FAT3: variants seen among roughly 807,000 people sequenced by gnomAD.
The protein encoded by FAT3 is protocadherin Fat 3.
Under a neutral mutation model 310.2 loss-of-function variants are expected in FAT3, and 95 were observed. That is an observed-to-expected ratio of 0.31 (90% confidence interval 0.26 to 0.36). The LOEUF (loss-of-function observed/expected upper bound fraction) is 0.36. Among genes scored for constraint, FAT3 ranks in the 10% least tolerant of loss-of-function variants. The pLI, the probability that FAT3 is intolerant of heterozygous loss-of-function variation, is 1.00. For missense variants in FAT3, 5,408 were observed against 5,715.6 expected (o/e 0.95, Z 1.74); for synonymous variants, 2,314 against 2,192.9 (o/e 1.06, Z -1.54).
chr11:92,529,679 A>AGGATTAGC (rs2135379348), intron 3 of FAT3, among the ~76,000 whole-genome samples: 1 of 152,338 alleles, frequency 6.6e-6, no homozygotes, highest in African/African-American at 2.4e-5. Context: ...ACATAGATCC[A>AGGATTAGC]GGATTAGCAT....
intron 2 of FAT3, among the ~76,000 whole-genome samples, chr11:92,421,288 T>C (rs1018621416): frequency 1.3e-5 from 2 of 152,220 alleles, no homozygotes; most frequent in Non-Finnish European, 2.9e-5. Flanking sequence ...TAAACATTAA[T>C]AGGTAATTTT....
chr11:92,400,151 CA>C (rs1352806467), intron 2 of FAT3: 3 of 152,072 alleles, frequency 2.0e-5, no homozygotes, highest in African/African-American at 7.2e-5. Flanking sequence ...TTTTATCTAG[CA>C]AAATGAGTTG....
chr11:92,424,302 T>C (rs899280841), intron 2 of FAT3, among the ~76,000 whole-genome samples: 1 of 152,160 alleles, frequency 6.6e-6, no homozygotes, highest in East Asian at 1.9e-4. Context: ...ATGTGAATTA[T>C]ACCTGCTTAT....
chr11:92,472,540 C>T (rs968614070), intron 2 of FAT3, among the ~76,000 whole-genome samples: 2 of 152,270 alleles, frequency 1.3e-5, no homozygotes, highest in Non-Finnish European at 2.9e-5. Context: ...ATAAAACTGC[C>T]TAGCTCTGTG....
At chr11:92,487,726 C>T (rs1211433291) in intron 2 of FAT3, among the ~76,000 whole-genome samples, 1 of 152,160 alleles carries the variant, frequency 6.6e-6, no homozygotes, top group East Asian at 1.9e-4. Context: ...TGCTCTTAAC[C>T]TCAATGTTAA....
chr11:92,476,945 T>C (rs940006118), intron 2 of FAT3, among the ~76,000 whole-genome samples: 1 of 152,218 alleles, frequency 6.6e-6, no homozygotes, highest in Non-Finnish European at 1.5e-5. Context: ...AAGCTTTGAT[T>C]TGTGTAGACA....
intron 9 of FAT3, among the ~76,000 whole-genome samples, chr11:92,795,135 T>C (rs1947135828): frequency 6.6e-6 from 1 of 152,286 alleles, no homozygotes; most frequent in South Asian, 2.1e-4. Context: ...TCAGGTCTTA[T>C]ATCTAGTTTG....
chr11:92,399,019 G>A (rs1280971561), intron 2 of FAT3, among the ~76,000 whole-genome samples: 2 of 152,190 alleles, frequency 1.3e-5, no homozygotes, highest in Non-Finnish European at 2.9e-5. Context: ...GAAATCAGGA[G>A]CATTAATCTG....
At chr11:92,393,839 T>C (rs1317968575) in intron 2 of FAT3, among the ~76,000 whole-genome samples, 1 of 152,204 alleles carries the variant, frequency 6.6e-6, no homozygotes, top group African/African-American at 2.4e-5. Context: ...CTTTAACTTC[T>C]GGTCAGGGAG....
intron 3 of FAT3, among the ~76,000 whole-genome samples, chr11:92,564,002 C>T (rs1442302245): frequency 2.0e-5 from 3 of 151,348 alleles, no homozygotes; most frequent in Non-Finnish European, 4.4e-5. Flanking sequence ...AACCAGCTAA[C>T]ATCATAATGA....
At chr11:92,293,064 GGAAGGAAGGAAGGAAA>G (rs1487166631) in intron 1 of FAT3, among the ~76,000 whole-genome samples, 111 of 120,458 alleles carry the variant, frequency 9.2e-4, no homozygotes, top group Middle Eastern at 4.3e-3. Flanking sequence ...AAGGAAGGAA[GGAAGGAAGGAAGGAAA>G]GAAGGAAGGA....
rs369353216 is a variant in FAT3, at chr11:92,774,135, T to C, written c.4290T>C (p.Asn1430=). ...PLDAEQRSIY[N]MSVEVTDGTN... is the part of the protein sequence containing the mutation. ...ATGCAGAGCAGAGGTCCATCTATAATATGAGTGTGGAAGTCACCGATGGGA... is the reference window on the plus strand; with the variant it reads ...ATGCAGAGCAGAGGTCCATCTATAACATGAGTGTGGAAGTCACCGATGGGA... Residue 1430 remains asparagine, a synonymous_variant, in exon 7 of 28, where the codon AAT becomes AAC. Coordinates refer to ENST00000525166, the MANE Select transcript of FAT3 (RefSeq NM_001367949.2). 8.7e-6 allele frequency: 14 copies of C among 1,613,466 alleles called. No homozygotes were observed. The South Asian group carries it at 1.2e-4, about 14-fold the overall frequency.
intron 21 of FAT3, among the ~76,000 whole-genome samples, chr11:92,864,798 A>G (rs1392490131): frequency 6.6e-6 from 1 of 152,178 alleles, no homozygotes; most frequent in African/African-American, 2.4e-5. Context: ...GCCTGGTGAC[A>G]CAGTGAGACT....
intron 17 of FAT3, among the ~76,000 whole-genome samples, chr11:92,839,327 A>G (rs138347500): frequency 6.6e-6 from 1 of 152,124 alleles, no homozygotes; most frequent in Non-Finnish European, 1.5e-5. Context: ...CCTCTCTTCT[A>G]TGCAGGAAGC....
At position 92,525,008 on chromosome 11, in the gene FAT3, C is replaced by T. The variant is rs887607519; in HGVS notation, c.3607+60C>T. 6 of 1,337,416 alleles carry T rather than the reference C, an allele frequency of 4.5e-6. No homozygotes were observed. The African/African-American group carries it at 8.7e-5, about 19-fold the overall frequency. The allele number at this position is 1,337,416 out of a possible 1,614,324, so 82.8% of individuals were successfully genotyped here. On this transcript the variant is annotated intron_variant, in intron 3 of 27. Coordinates refer to ENST00000525166, the MANE Select transcript of FAT3 (RefSeq NM_001367949.2). ...GTAGTCCAGCCTTTAAATTCATCAG[C>T]CTGACACTTTCTGTACTCATTTACT...
chr11:92,303,099 A>T (rs2134430712), intron 1 of FAT3, among the ~76,000 whole-genome samples: 1 of 152,216 alleles, frequency 6.6e-6, no homozygotes, highest in Admixed American at 6.5e-5. Flanking sequence ...GTATCCATGG[A>T]TGTTTGGTTG....
intron 18 of FAT3, 71 bp from the exon 19 acceptor site, chr11:92,843,863 T>C: frequency 2.9e-6 from 4 of 1,387,900 alleles, no homozygotes; most frequent in Non-Finnish European, 3.0e-6. Context: ...GTCTTCTATC[T>C]GCGGGTTTTT....
intron 9 of FAT3, among the ~76,000 whole-genome samples, chr11:92,794,946 A>G (rs1427073977): frequency 6.6e-6 from 1 of 152,230 alleles, no homozygotes; most frequent in East Asian, 1.9e-4. Flanking sequence ...AGCAAATGAC[A>G]AATGGCTGTG....
chr11:92,598,552 T>G (rs915045267), intron 3 of FAT3, among the ~76,000 whole-genome samples: 1 of 152,118 alleles, frequency 6.6e-6, no homozygotes, highest in African/African-American at 2.4e-5. Flanking sequence ...CTCACAGAAT[T>G]TTATGAGTGA....
Sources: allele counts gnomAD v4.1 joint callset (sites outside exome capture counted in the v4.1 genomes callset), GRCh38; gene constraint gnomAD v4.1.1; transcripts MANE v1.5; gene names NCBI Gene and HGNC (gene_info 2026-07-23, HGNC 2026-07-21).